CAST: variants seen among roughly 807,000 people sequenced by gnomAD.
CAST encodes MIR583 host.
CAST carries 76 observed loss-of-function variants against 119.6 expected under a neutral mutation model. That is an observed-to-expected ratio of 0.64 (90% CI 0.53 to 0.77). The LOEUF is 0.77. CAST is among the 30% of genes least tolerant of loss of function. The pLI is 0.00. For missense variants in CAST, 953 were observed against 946.5 expected (o/e 1.01, Z -0.09); for synonymous variants, 319 against 331.6 (o/e 0.96, Z 0.41).
chr5:96,195,847 T>C, the CAST span, among the ~76,000 whole-genome samples: 66 of 152,234 alleles, frequency 4.3e-4, 1 homozygote, highest in Non-Finnish European at 3.4e-4. Flanking sequence ...ATTAGTTTAA[T>C]ATGGCATTAA....
chr5:96,459,738 T>G, the CAST span, among the ~76,000 whole-genome samples: 1 of 152,208 alleles, frequency 6.6e-6, no homozygotes, highest in Non-Finnish European at 1.5e-5. Context: ...TTTTACTTAA[T>G]TCTGGACTGC....
chr5:96,104,158 C>A, the CAST span, among the ~76,000 whole-genome samples: 1 of 152,002 alleles, frequency 6.6e-6, no homozygotes, highest in Non-Finnish European at 1.5e-5. Flanking sequence ...GAGTAGGTTG[C>A]GAAAATTTTC....
the CAST span, among the ~76,000 whole-genome samples, chr5:96,107,787 G>C: frequency 6.6e-6 from 1 of 152,198 alleles, no homozygotes; most frequent in South Asian, 2.1e-4. Context: ...TTAGATTGGG[G>C]AAGTTCTCCT....
the CAST span, among the ~76,000 whole-genome samples, chr5:96,232,664 T>C: frequency 5.3e-5 from 8 of 151,962 alleles, no homozygotes; most frequent in Non-Finnish European, 1.5e-5. Flanking sequence ...TTGAGGGGGA[T>C]AGTTGGGGCC....
the CAST span, among the ~76,000 whole-genome samples, chr5:96,291,306 T>C: frequency 2.0e-5 from 3 of 152,222 alleles, no homozygotes; most frequent in African/African-American, 7.2e-5. Context: ...AGATAGCTAA[T>C]ACACAAGCAT....
chr5:95,980,234 A>G, the CAST span: 1 of 152,208 alleles, frequency 6.6e-6, no homozygotes, highest in Non-Finnish European at 1.5e-5. Flanking sequence ...CTAGGTACTG[A>G]CAGATATACA....
At chr5:96,404,538 A>T in the CAST span, among the ~76,000 whole-genome samples, 2 of 152,152 alleles carry the variant, frequency 1.3e-5, no homozygotes, top group Non-Finnish European at 2.9e-5. Context: ...GCTATATAAC[A>T]TTTAACACAG....
At chr5:96,592,349 C>T (rs990896111) in intron 1 of CAST, among the ~76,000 whole-genome samples, 7 of 151,246 alleles carry the variant, frequency 4.6e-5, no homozygotes, top group African/African-American at 1.5e-4. Context: ...TGCAGTAAGC[C>T]GAGATCACAC....
At chr5:96,385,099 G>A in the CAST span, among the ~76,000 whole-genome samples, 1 of 152,198 alleles carries the variant, frequency 6.6e-6, no homozygotes, top group Non-Finnish European at 1.5e-5. Flanking sequence ...TAGAGTCAAT[G>A]TGCTGGTTAT....
the CAST span, among the ~76,000 whole-genome samples, chr5:96,039,328 G>C: frequency 3.3e-5 from 5 of 152,098 alleles, no homozygotes; most frequent in Non-Finnish European, 7.4e-5. Flanking sequence ...TAGGTTGTCC[G>C]TTCATGCTGA....
chr5:96,457,549 G>A, the CAST span, among the ~76,000 whole-genome samples: 1 of 152,094 alleles, frequency 6.6e-6, no homozygotes, highest in African/African-American at 2.4e-5. Context: ...CAGCCACCCT[G>A]GCTGCCTTCT....
At chr5:96,236,514 A>C in the CAST span, among the ~76,000 whole-genome samples, 1 of 152,180 alleles carries the variant, frequency 6.6e-6, no homozygotes, top group East Asian at 1.9e-4. Context: ...AGTGGGTCTG[A>C]AATGTGCATA....
chr5:96,108,933 G>A, the CAST span, among the ~76,000 whole-genome samples: 21 of 152,362 alleles, frequency 1.4e-4, no homozygotes, highest in East Asian at 3.5e-3. Context: ...CTGGTGCACC[G>A]TTTTTTAAGC....
Position 96,766,181 on chromosome 5 carries a change from T to G in CAST, c.2130+36T>G, listed in dbSNP as rs774182424. ...GCAAATTGCTAGATCGGATTTATGC[T>G]ACCAAGATCTTTAAATTCAAACCTC... On this transcript the variant is annotated intron_variant, in intron 27 of 31. Coordinates refer to ENST00000675179, the MANE Select transcript of CAST (RefSeq NM_001750.7). 4.4e-6 allele frequency: 5 copies of G among 1,147,706 alleles called. No individual in the cohort carries two copies. The South Asian group carries it at 6.4e-5, about 15-fold the overall frequency. The allele number at this position is 1,147,706 out of a possible 1,614,324, so 71.1% of individuals were successfully genotyped here.
At chr5:96,167,419 G>A in the CAST span, among the ~76,000 whole-genome samples, 479 of 152,278 alleles carry the variant, frequency 3.1e-3, 1 homozygote, top group Non-Finnish European at 3.7e-3. Flanking sequence ...TGGTGTCTGG[G>A]ATGAGACTGG....
the CAST span, among the ~76,000 whole-genome samples, chr5:96,343,915 G>T: frequency 6.6e-6 from 1 of 152,178 alleles, no homozygotes; most frequent in African/African-American, 2.4e-5. Context: ...CCTTCAGCTG[G>T]AAGATGAGCT....
At chr5:96,256,229 AC>A in the CAST span, among the ~76,000 whole-genome samples, 1 of 148,358 alleles carries the variant, frequency 6.7e-6, no homozygotes, top group African/African-American at 2.4e-5. Flanking sequence ...TATTATATAA[AC>A]ATATAATTTA....
chr5:96,646,304 C>G (rs940272569), intron 1 of CAST, among the ~76,000 whole-genome samples: 1 of 152,108 alleles, frequency 6.6e-6, no homozygotes, highest in African/African-American at 2.4e-5. Flanking sequence ...TGCACAGGCA[C>G]AAAGATACCT....
At chr5:96,636,265 A>G (rs1037437533) in intron 1 of CAST, among the ~76,000 whole-genome samples, 1 of 152,192 alleles carries the variant, frequency 6.6e-6, no homozygotes, top group Non-Finnish European at 1.5e-5. Flanking sequence ...GTATAATAAG[A>G]TGTGTCTAAT....
Sources: allele counts gnomAD v4.1 joint callset (sites outside exome capture counted in the v4.1 genomes callset), GRCh38; gene constraint gnomAD v4.1.1; transcripts MANE v1.5; gene names NCBI Gene and HGNC (gene_info 2026-07-23, HGNC 2026-07-21).